Variants in SSBP2 observed in about 807,000 individuals in gnomAD.
SSBP2 encodes single-stranded DNA-binding protein 2.
Under a neutral mutation model 61.8 loss-of-function variants are expected in SSBP2, and 17 were observed. The observed-to-expected ratio is 0.28, with a 90% confidence interval of 0.19 to 0.41. The LOEUF is 0.41. Ranked by LOEUF, SSBP2 falls within the 10% of genes least tolerant of loss-of-function variation. SSBP2 has a pLI of 1.00. For synonymous variants in SSBP2, 139 were observed against 141.3 expected (o/e 0.98, Z 0.12); for missense variants, 310 against 458.7 (o/e 0.68, Z 2.96).
At chr5:81,445,835 A>G (rs1313383583) in intron 12 of SSBP2, among the ~76,000 whole-genome samples, 2 of 152,182 alleles carry the variant, frequency 1.3e-5, no homozygotes, top group Non-Finnish European at 2.9e-5. Context: ...TCCCAAAGTA[A>G]TAACTGATAG....
chr5:81,493,635 A>G (rs1561466456), intron 5 of SSBP2, among the ~76,000 whole-genome samples: 3 of 152,082 alleles, frequency 2.0e-5, no homozygotes, highest in Non-Finnish European at 4.4e-5. Flanking sequence ...ATGTGCCTGT[A>G]GTCCCAGCTA....
intron 1 of SSBP2, among the ~76,000 whole-genome samples, chr5:81,731,127 G>A (rs979074537): frequency 2.0e-5 from 3 of 152,140 alleles, no homozygotes; most frequent in Non-Finnish European, 2.9e-5. Flanking sequence ...GTGCCCTTAA[G>A]TTTCTAACTG....
chr5:81,611,508 T>G (rs550802559), intron 4 of SSBP2, among the ~76,000 whole-genome samples: 59 of 152,322 alleles, frequency 3.9e-4, no homozygotes, highest in Admixed American at 1.9e-3. Flanking sequence ...AGTTATAAAT[T>G]TTATGAATTT....
At chr5:81,501,617 T>C (rs13159500) in intron 5 of SSBP2, among the ~76,000 whole-genome samples, 64,634 of 143,946 alleles carry the variant, frequency 0.45, 18,283 homozygotes, top group African/African-American at 0.81. Context: ...GGCTGGAGTG[T>C]AGTGGCGTGA....
Position 81,590,198 on chromosome 5 carries a change from TA to T in SSBP2, c.282+25274del, listed in dbSNP as rs573306720. On this transcript the variant is annotated intron_variant, in intron 4 of 16. Transcript: ENST00000320672. ...AATTATGAGATTCTAGTCATAGATTTAAAAAAAAAATTATAAGGAAGAAAAC... is the reference window on the plus strand; with the variant it reads ...AATTATGAGATTCTAGTCATAGATTTAAAAAAAAATTATAAGGAAGAAAAC... Among the ~76,000 whole-genome samples the T allele has an allele frequency of 1.2e-3, 178 of 150,350 alleles. 1 individual carries two copies. The highest frequency in any genetic ancestry group is 2.8e-3 in the Admixed American group (42 of 15,096).
chr5:81,488,562 TTA>T (rs1243553994), intron 6 of SSBP2, among the ~76,000 whole-genome samples: 1 of 152,136 alleles, frequency 6.6e-6, no homozygotes, highest in Non-Finnish European at 1.5e-5. Flanking sequence ...GCTATTTTTT[TTA>T]TATTATACTT....
chr5:81,498,254 T>G (rs1767439315), intron 5 of SSBP2, among the ~76,000 whole-genome samples: 1 of 152,120 alleles, frequency 6.6e-6, no homozygotes, highest in Admixed American at 6.5e-5. Context: ...TAATTTTCTT[T>G]ACTCAACGTT....
intron 1 of SSBP2, among the ~76,000 whole-genome samples, chr5:81,734,788 G>A (rs1165296511): frequency 6.6e-6 from 1 of 151,920 alleles, no homozygotes; most frequent in Non-Finnish European, 1.5e-5. Context: ...TGGCTAACAC[G>A]GTGAAACTCT....
chr5:81,557,099 C>T (rs2153396517), intron 4 of SSBP2, among the ~76,000 whole-genome samples: 1 of 152,240 alleles, frequency 6.6e-6, no homozygotes, highest in East Asian at 1.9e-4. Flanking sequence ...ATGGCCTAGC[C>T]TCTATTTAAC....
At chr5:81,586,002 T>G (rs183841443) in intron 4 of SSBP2, among the ~76,000 whole-genome samples, 36 of 152,330 alleles carry the variant, frequency 2.4e-4, no homozygotes, top group African/African-American at 6.3e-4. Context: ...TGACTAGTAT[T>G]TCATTATGTA....
chr5:81,672,331 T>C (rs890225005), intron 1 of SSBP2, among the ~76,000 whole-genome samples: 1 of 152,130 alleles, frequency 6.6e-6, no homozygotes. Context: ...ACACAAAAAC[T>C]TAGTAACCAA....
intron 4 of SSBP2, among the ~76,000 whole-genome samples, chr5:81,556,168 TTATTATCTTTATA>T (rs1360148902): frequency 1.3e-5 from 2 of 152,084 alleles, no homozygotes; most frequent in Non-Finnish European, 2.9e-5. Flanking sequence ...AAAGTTTCAT[TTATTATCTTTATA>T]TATTATCTTT....
chr5:81,421,706 G>A (rs1033774603), intron 16 of SSBP2, among the ~76,000 whole-genome samples: 1 of 152,174 alleles, frequency 6.6e-6, no homozygotes, highest in Non-Finnish European at 1.5e-5. Flanking sequence ...AGAATAGACT[G>A]TGACAGAAAA....
chr5:81,674,764 C>T (rs537391109), intron 1 of SSBP2, among the ~76,000 whole-genome samples: 43 of 151,412 alleles, frequency 2.8e-4, no homozygotes, highest in Admixed American at 1.2e-3. Context: ...TTGACAATTA[C>T]AAAGTCATCT....
chr5:81,428,795 T>A lies in SSBP2; in HGVS notation c.958-112A>T, dbSNP rs538986179. The stretch of plus-strand genomic sequence containing the variant: ...CCCTAAGGACAAAGCATACTTCTAA[T>A]TTTAATCTTAGACTTCTACCATGTA... On this transcript the variant is annotated intron_variant, in intron 15 of 16. Coordinates refer to ENST00000320672, the MANE Select transcript of SSBP2 (RefSeq NM_012446.5). 1.6e-5 allele frequency: 11 copies of A among 683,082 alleles called. No individual in the cohort carries two copies. The East Asian group carries it at 2.8e-4, about 17-fold the overall frequency. 42.3% of individuals were successfully genotyped at this position (683,082 alleles called of 1,614,324 possible). A position where few individuals can be genotyped will look rare whatever the true frequency, so the allele number is the denominator to read the frequency against.
intron 12 of SSBP2, among the ~76,000 whole-genome samples, chr5:81,444,532 A>C (rs748407454): frequency 6.6e-6 from 1 of 152,144 alleles, no homozygotes; most frequent in East Asian, 1.9e-4. Flanking sequence ...GCTCATGGAG[A>C]GAAGGAAAGG....
chr5:81,553,014 A>T lies in SSBP2; in HGVS notation c.283-39297T>A, dbSNP rs576388290. 8.5e-5 allele frequency among the ~76,000 whole-genome samples: 13 copies of T among 152,310 alleles called. No homozygotes were observed. In the South Asian group the frequency reaches 2.5e-3, roughly 29 times the overall value. The stretch of plus-strand genomic sequence containing the variant: ...TTCCAGCACAGTAGCAGTTCAGGAA[A>T]TGAGGATGATAATGAGACTCCATGA... On this transcript the variant is annotated intron_variant, in intron 4 of 16. Transcript: ENST00000320672.
rs542326807 is a variant in SSBP2 at position 81,432,724 on chromosome 5, C to T, written c.958-4041G>A. ...TTGTGCTACTGTACTCCAGCCTGGG[C>T]GACAGAGCGAGACTCTGAGTCCGGG... On this transcript the variant is annotated intron_variant, in intron 15 of 16. Coordinates refer to ENST00000320672, the MANE Select transcript of SSBP2 (RefSeq NM_012446.5). Among the ~76,000 whole-genome samples the T allele has an allele frequency of 8.5e-5, 13 of 152,152 alleles. No individual in the cohort carries two copies. The East Asian group carries it at 2.1e-3, about 25-fold the overall frequency.
chr5:81,746,159 A>C (rs1377941613), intron 1 of SSBP2, among the ~76,000 whole-genome samples: 1 of 152,104 alleles, frequency 6.6e-6, no homozygotes, highest in Admixed American at 6.5e-5. Flanking sequence ...CAATACCAAA[A>C]CTTAACTCTG....
Sources: allele counts gnomAD v4.1 joint callset (sites outside exome capture counted in the v4.1 genomes callset), GRCh38; gene constraint gnomAD v4.1.1; transcripts MANE v1.5; gene names NCBI Gene and HGNC (gene_info 2026-07-23, HGNC 2026-07-21).